Variants in SLC35F4 observed in about 807,000 individuals in gnomAD.
The protein encoded by SLC35F4 is chromosome 14 open reading frame 36.
Under a neutral mutation model 44.2 loss-of-function variants are expected in SLC35F4, and 24 were observed. That is an observed-to-expected ratio of 0.54 (90% CI 0.39 to 0.76). The LOEUF is 0.76. SLC35F4 is among the 30% of genes least tolerant of loss of function. SLC35F4 has a pLI of 0.00. For missense variants in SLC35F4, 562 were observed against 586.1 expected (o/e 0.96, Z 0.42); for synonymous variants, 238 against 223.6 (o/e 1.06, Z -0.57).
rs115112821 is a variant in SLC35F4 at position 57,845,173 on chromosome 14, C to G, written c.103+20550G>C. 3.6e-3 allele frequency among the ~76,000 whole-genome samples: 552 copies of G among 152,236 alleles called. 4 individuals carry two copies. Among genetic ancestry groups the G allele is most frequent in the African/African-American group, 0.013 (533 of 41,546 alleles). On this transcript the variant is annotated intron_variant, in intron 1 of 7. Transcript: ENST00000556826. Reference sequence around the variant, plus strand: ...TTCAGGAGGAGGAAAAATAACTGAGCCATGGGAGGATCTGAAATTTTATAA... The same window carrying G: ...TTCAGGAGGAGGAAAAATAACTGAGGCATGGGAGGATCTGAAATTTTATAA...
intron 1 of SLC35F4, among the ~76,000 whole-genome samples, chr14:57,883,903 T>C (rs1464150892): frequency 6.6e-6 from 1 of 152,200 alleles, no homozygotes. Context: ...TCTAACGTTT[T>C]GTACAGTATT....
chr14:57,942,578 G>A (rs920660273), intron 1 of SLC35F4, among the ~76,000 whole-genome samples: 6 of 152,270 alleles, frequency 3.9e-5, no homozygotes, highest in South Asian at 4.1e-4. Flanking sequence ...TTTCAGTGAC[G>A]TAGCATTTTC....
At chr14:57,626,737 A>T (rs1437666957) in intron 1 of SLC35F4, among the ~76,000 whole-genome samples, 2 of 152,158 alleles carry the variant, frequency 1.3e-5, no homozygotes, top group Non-Finnish European at 2.9e-5. Context: ...TCACTTGTGG[A>T]TTAGGAAATA....
chr14:57,780,394 CTACAATAAGAAT>C (rs1366607090), intron 1 of SLC35F4, among the ~76,000 whole-genome samples: 1 of 151,884 alleles, frequency 6.6e-6, no homozygotes, highest in Non-Finnish European at 1.5e-5. Flanking sequence ...AAAAATATCT[CTACAATAAGAAT>C]TACAAAACAC....
intron 1 of SLC35F4, among the ~76,000 whole-genome samples, chr14:57,646,066 A>T (rs1296936883): frequency 6.6e-6 from 1 of 152,178 alleles, no homozygotes; most frequent in Non-Finnish European, 1.5e-5. Flanking sequence ...TTCATCAAGG[A>T]TATTGGCCTA....
chr14:57,686,485 C>A (rs940842209), intron 1 of SLC35F4, among the ~76,000 whole-genome samples: 1 of 152,156 alleles, frequency 6.6e-6, no homozygotes, highest in Non-Finnish European at 1.5e-5. Context: ...CCCTTTTTAA[C>A]AGCTCCCTCC....
chr14:57,742,353 G>A (rs2076634149), intron 1 of SLC35F4, among the ~76,000 whole-genome samples: 1 of 152,186 alleles, frequency 6.6e-6, no homozygotes, highest in East Asian at 1.9e-4. Flanking sequence ...GACAAACATA[G>A]GCTCAAAATA....
chr14:57,917,963 A>G (rs1281369697), intron 1 of SLC35F4, among the ~76,000 whole-genome samples: 5 of 152,070 alleles, frequency 3.3e-5, no homozygotes, highest in Admixed American at 6.5e-5. Context: ...AAGGGGCTGG[A>G]GTTAGGGACT....
intron 1 of SLC35F4, among the ~76,000 whole-genome samples, chr14:57,802,985 C>CAAAAAAAAAA (rs59647111): frequency 1.4e-5 from 1 of 71,316 alleles, no homozygotes; most frequent in Non-Finnish European, 2.6e-5. Flanking sequence ...GCAGAGATAC[C>CAAAAAAAAAA]AAAAAAAAAA....
intron 1 of SLC35F4, among the ~76,000 whole-genome samples, chr14:57,848,061 T>G (rs1052324517): frequency 6.6e-6 from 1 of 152,170 alleles, no homozygotes; most frequent in Non-Finnish European, 1.5e-5. Flanking sequence ...GTAAATGACT[T>G]GTCAGGCCTG....
chr14:57,688,596 C>T (rs529605040), intron 1 of SLC35F4, among the ~76,000 whole-genome samples: 1 of 152,262 alleles, frequency 6.6e-6, no homozygotes, highest in Admixed American at 6.5e-5. Flanking sequence ...ACAATGATCG[C>T]ATCTCCACGG....
intron 1 of SLC35F4, among the ~76,000 whole-genome samples, chr14:57,882,713 G>A (rs1888561756): frequency 6.6e-6 from 1 of 152,160 alleles, no homozygotes; most frequent in Non-Finnish European, 1.5e-5. Flanking sequence ...TCCTGCCTTT[G>A]GGTAGTAAGC....
Position 57,646,544 on chromosome 14 carries a change from C to A in SLC35F4, c.104-52420G>T, listed in dbSNP as rs200111553. Among the ~76,000 whole-genome samples the A allele has an allele frequency of 1.5e-4, 23 of 152,178 alleles. No individual in the cohort carries two copies. The East Asian group carries it at 4.4e-3, about 29-fold the overall frequency. ...TCTTTATTAGTTGCTAGCGGTCTATCTATTTTGTTGATCTTTTCAAAAAAC... is the reference window on the plus strand; with the variant it reads ...TCTTTATTAGTTGCTAGCGGTCTATATATTTTGTTGATCTTTTCAAAAAAC... On this transcript the variant is annotated intron_variant, in intron 1 of 7. Coordinates refer to ENST00000556826, the MANE Select transcript of SLC35F4 (RefSeq NM_001306087.2).
intron 1 of SLC35F4, among the ~76,000 whole-genome samples, chr14:57,616,325 G>A (rs571393855): frequency 6.3e-4 from 96 of 152,296 alleles, no homozygotes; most frequent in Non-Finnish European, 1.1e-3. Flanking sequence ...ATTATGAAGG[G>A]GAAATTGACC....
chr14:57,960,501 G>C (rs1175497998), intron 1 of SLC35F4, among the ~76,000 whole-genome samples: 2 of 152,196 alleles, frequency 1.3e-5, no homozygotes, highest in African/African-American at 4.8e-5. Context: ...ACCTGGACAA[G>C]GAGAGAGGAA....
At chr14:57,806,781 G>T (rs985330290) in intron 1 of SLC35F4, among the ~76,000 whole-genome samples, 1 of 152,156 alleles carries the variant, frequency 6.6e-6, no homozygotes, top group Non-Finnish European at 1.5e-5. Flanking sequence ...GGAGAAAATG[G>T]TTTTTTAAAA....
At chr14:57,823,464 A>G (rs1432378953) in intron 1 of SLC35F4, among the ~76,000 whole-genome samples, 1 of 152,174 alleles carries the variant, frequency 6.6e-6, no homozygotes, top group East Asian at 1.9e-4. Flanking sequence ...AACATAGCAT[A>G]TTTGAATCAC....
intron 1 of SLC35F4, among the ~76,000 whole-genome samples, chr14:57,747,676 G>T (rs750357148): frequency 3.3e-5 from 5 of 152,110 alleles, no homozygotes. Flanking sequence ...CTCTTTAAAA[G>T]ATTAGAATTC....
At chr14:57,856,285 C>T (rs563515695) in intron 1 of SLC35F4, among the ~76,000 whole-genome samples, 4 of 152,000 alleles carry the variant, frequency 2.6e-5, no homozygotes, top group African/African-American at 9.7e-5. Flanking sequence ...CAAAACTGCA[C>T]ATTCTGCACA....
Sources: gnomAD v4.1 joint callset for allele counts (sites outside exome capture counted in the v4.1 genomes callset) on GRCh38, gnomAD v4.1.1 for gene constraint, MANE v1.5 for transcripts, NCBI Gene and HGNC (gene_info 2026-07-23, HGNC 2026-07-21) for gene names.